The following PEPD variants were observed in gnomAD, a reference collection of about 807,000 sequenced individuals.
PEPD encodes the protein peptidase D.
A neutral mutation model predicts 60.7 loss-of-function variants in PEPD; 53 were observed. The ratio of observed to expected loss-of-function variants is 0.87; its 90% CI spans 0.70 to 1.10. PEPD has a LOEUF of 1.10. Ranked by LOEUF, PEPD falls within the 50% of genes least tolerant of loss-of-function variation. The pLI is 0.00. For synonymous variants in PEPD, 267 were observed against 284.1 expected (o/e 0.94, Z 0.60); for missense variants, 711 against 711.9 (o/e 1.00, Z 0.01).
In PEPD at chr19:33,413,575, C is replaced by G. The variant is rs758148942; in HGVS notation, c.740G>C (p.Ser247Thr). The G allele has an allele frequency of 1.3e-6, 2 of 1,563,922 alleles. No individual in the cohort carries two copies. Among genetic ancestry groups the G allele is most frequent in the Non-Finnish European group, 1.7e-6 (2 of 1,151,042 alleles). Residue 247 changes from serine (S) to threonine (T), a missense_variant and splice_region_variant, in exon 10 of 15, where the codon AGT (serine) becomes ACT (threonine). By Grantham distance (58) the Ser-to-Thr change is moderately conservative. Transcript: ENST00000244137. ...AGGGGAGCCAGGGTGCCCCGCTTAC[C>G]TGCCGCAGATGCAGGTGTAGGAGCT... ...RHSSYTCICG[S>T]GENSAVLHYG...
chr19:33,398,759 C>T (rs1442575473), intron 12 of PEPD, among the ~76,000 whole-genome samples: 11 of 152,232 alleles, frequency 7.2e-5, no homozygotes, highest in Admixed American at 7.2e-4. Flanking sequence ...GGATGCTTCC[C>T]ATGGCTGAAG....
intron 2 of PEPD, among the ~76,000 whole-genome samples, chr19:33,511,876 T>C (rs1970933042): frequency 6.6e-6 from 1 of 152,158 alleles, no homozygotes; most frequent in African/African-American, 2.4e-5. Flanking sequence ...ACGGGACCCT[T>C]CAGGCAGGAG....
At chr19:33,482,650 A>T (rs1255821240) in intron 6 of PEPD, among the ~76,000 whole-genome samples, 1 of 152,210 alleles carries the variant, frequency 6.6e-6, no homozygotes, top group Non-Finnish European at 1.5e-5. Flanking sequence ...CTGCAATTCC[A>T]CTTCTAGGTA....
chr19:33,499,361 G>T (rs1310062809), intron 4 of PEPD, among the ~76,000 whole-genome samples: 2 of 152,170 alleles, frequency 1.3e-5, no homozygotes, highest in Non-Finnish European at 2.9e-5. Context: ...CTTCACAGAG[G>T]CTCTTCCAGG....
intron 4 of PEPD, among the ~76,000 whole-genome samples, chr19:33,493,731 T>G (rs562227875): frequency 6.6e-6 from 1 of 152,014 alleles, no homozygotes; most frequent in South Asian, 2.1e-4. Flanking sequence ...CCTACCAGCC[T>G]CTGGTTCCTA....
chr19:33,486,733 T>C (rs778661320), intron 6 of PEPD, among the ~76,000 whole-genome samples: 11 of 152,074 alleles, frequency 7.2e-5, no homozygotes, highest in African/African-American at 2.7e-4. Flanking sequence ...GCACCCCGAG[T>C]AGCCACACCT....
chr19:33,450,802 G>A (rs1969682313), intron 9 of PEPD, among the ~76,000 whole-genome samples: 1 of 152,158 alleles, frequency 6.6e-6, no homozygotes, highest in Non-Finnish European at 1.5e-5. Context: ...TGACTCTGGA[G>A]GCGGGGCTCG....
At chr19:33,478,294 G>A (rs1202351278) in intron 6 of PEPD, among the ~76,000 whole-genome samples, 1 of 152,190 alleles carries the variant, frequency 6.6e-6, no homozygotes, top group Non-Finnish European at 1.5e-5. Context: ...AATGCAGTCA[G>A]TTGGAGAGCA....
At chr19:33,425,533 C>A (rs191902717) in intron 9 of PEPD, among the ~76,000 whole-genome samples, 3 of 152,110 alleles carry the variant, frequency 2.0e-5, no homozygotes, top group Non-Finnish European at 4.4e-5. Flanking sequence ...AAGCACAATA[C>A]GAGTCCACGG....
chr19:33,424,057 C>T (rs781362282), intron 9 of PEPD, among the ~76,000 whole-genome samples: 17 of 152,212 alleles, frequency 1.1e-4, no homozygotes, highest in Non-Finnish European at 2.1e-4. Context: ...AAAGATAAAT[C>T]CTTTACATAA....
chr19:33,480,262 A>G (rs969309237), intron 6 of PEPD, among the ~76,000 whole-genome samples: 12 of 152,244 alleles, frequency 7.9e-5, no homozygotes, highest in African/African-American at 2.9e-4. Context: ...TACTAACATC[A>G]GACAAAATAA....
At chr19:33,511,368 C>G (rs1970923846) in intron 2 of PEPD, 1 of 557,288 alleles carries the variant, frequency 1.8e-6, no homozygotes, top group Non-Finnish European at 3.3e-6. Context: ...CTCTACCCTG[C>G]TGGGAGCCCT....
At chr19:33,514,215 G>A (rs1000479403) in intron 1 of PEPD, among the ~76,000 whole-genome samples, 2 of 152,122 alleles carry the variant, frequency 1.3e-5, no homozygotes, top group African/African-American at 4.8e-5. Flanking sequence ...GGCAGTGGGT[G>A]GGCACGGAGG....
intron 11 of PEPD, among the ~76,000 whole-genome samples, chr19:33,405,504 G>A (rs1968599942): frequency 6.6e-6 from 1 of 152,246 alleles, no homozygotes; most frequent in African/African-American, 2.4e-5. Context: ...CCAGGCTGGG[G>A]GATTGCTGAG....
chr19:33,423,106 T>TCCATCCATCCATCCAC (rs1969066554), intron 9 of PEPD, among the ~76,000 whole-genome samples: 1 of 151,618 alleles, frequency 6.6e-6, no homozygotes, highest in African/African-American at 2.4e-5. Flanking sequence ...CATCCATCCA[T>TCCATCCATCCATCCAC]CCATCCATCC....
At chr19:33,408,556 C>G (rs1326581567) in intron 11 of PEPD, among the ~76,000 whole-genome samples, 1 of 152,200 alleles carries the variant, frequency 6.6e-6, no homozygotes, top group Non-Finnish European at 1.5e-5. Context: ...TAGTACCCCC[C>G]ACCCTTCTGC....
intron 9 of PEPD, among the ~76,000 whole-genome samples, chr19:33,442,106 A>C (rs1969489319): frequency 6.6e-6 from 1 of 152,192 alleles, no homozygotes; most frequent in African/African-American, 2.4e-5. Context: ...GGGGCTTAAT[A>C]ATAGTCCCTG....
chr19:33,411,943 A>T (rs1012965075), intron 10 of PEPD, among the ~76,000 whole-genome samples, 194 bp from the exon 11 acceptor site: 1 of 152,204 alleles, frequency 6.6e-6, no homozygotes, highest in East Asian at 1.9e-4. Flanking sequence ...CCGCAGTCAC[A>T]TGGCTGGCAA....
At position 33,512,722 on chromosome 19, in the gene PEPD, G is replaced by A. The variant is rs917108629; in HGVS notation, c.72C>T (p.Ala24=). 2.5e-6 allele frequency: 4 copies of A among 1,614,054 alleles called. No individual in the cohort carries two copies. The highest frequency in any genetic ancestry group is 4.5e-5 in the East Asian group (2 of 44,884). ...ETLKVPLALF[A]LNRQRLCERL... Reference sequence around the variant, plus strand: ...GCTCACACAGGCGCTGCCGGTTCAAGGCAAAGAGCGCCAGCGGCACCTTCA... The same window carrying A: ...GCTCACACAGGCGCTGCCGGTTCAAAGCAAAGAGCGCCAGCGGCACCTTCA... Residue 24 remains alanine (A), a synonymous_variant, in exon 2 of 15, where the codon GCC becomes GCT. Transcript: ENST00000244137.
Sources: allele counts gnomAD v4.1 joint callset (sites outside exome capture counted in the v4.1 genomes callset), GRCh38; gene constraint gnomAD v4.1.1; transcripts MANE v1.5; gene names NCBI Gene and HGNC (gene_info 2026-07-23, HGNC 2026-07-21).